The following L3MBTL4 variants were observed in gnomAD, a reference collection of about 807,000 sequenced individuals.
L3MBTL4 encodes the protein L3MBTL histone methyl-lysine binding protein 4.
In L3MBTL4, 70 loss-of-function variants were observed where a neutral mutation model predicts 84.5. The ratio of observed to expected loss-of-function variants is 0.83; its 90% CI spans 0.68 to 1.01. The LOEUF is 1.01. L3MBTL4 is among the 50% of genes least tolerant of loss of function. L3MBTL4 has a pLI of 0.00. For missense variants in L3MBTL4, 715 were observed against 754.8 expected, an observed-to-expected ratio of 0.95 and a Z score of 0.62; for synonymous variants, 274 against 259.8, an observed-to-expected ratio of 1.05 and a Z score of -0.52.
At chr18:6,319,857 T>C (rs1468888788) in intron 1 of L3MBTL4, among the ~76,000 whole-genome samples, 2 of 151,542 alleles carry the variant, frequency 1.3e-5, no homozygotes, top group African/African-American at 4.8e-5. Flanking sequence ...AAACTGCAAA[T>C]CAATATCCCT....
At chr18:6,370,591 G>C (rs1171828584) in intron 1 of L3MBTL4, among the ~76,000 whole-genome samples, 2 of 152,216 alleles carry the variant, frequency 1.3e-5, no homozygotes, top group Non-Finnish European at 2.9e-5. Context: ...ACCCAGGGCA[G>C]TGGCAGAATC....
chr18:6,048,960 T>C (rs1037935808), intron 16 of L3MBTL4, among the ~76,000 whole-genome samples: 2 of 152,076 alleles, frequency 1.3e-5, no homozygotes, highest in Admixed American at 6.6e-5. Flanking sequence ...CATTTCACTA[T>C]ATGCAAAAAT....
intron 4 of L3MBTL4, among the ~76,000 whole-genome samples, chr18:6,277,163 G>A (rs1325879455): frequency 6.7e-6 from 1 of 148,286 alleles, no homozygotes; most frequent in African/African-American, 2.5e-5. Context: ...GGGAGGGATA[G>A]TATTGGGAGA....
intron 1 of L3MBTL4, among the ~76,000 whole-genome samples, chr18:6,390,499 T>G (rs2055000673): frequency 6.6e-6 from 1 of 151,690 alleles, no homozygotes; most frequent in Non-Finnish European, 1.5e-5. Flanking sequence ...GAAGTGAAAT[T>G]GAAAAACAAA....
intron 1 of L3MBTL4, among the ~76,000 whole-genome samples, chr18:6,409,932 G>A (rs779592605): frequency 2.2e-4 from 34 of 151,858 alleles, no homozygotes; most frequent in Non-Finnish European, 1.3e-4. Context: ...CTTCCAATTC[G>A]CCTACCCTCT....
intron 5 of L3MBTL4, 123 bp downstream of exon 5, chr18:6,263,824 T>C: frequency 1.3e-6 from 1 of 780,304 alleles, no homozygotes; most frequent in Non-Finnish European, 2.2e-6. Flanking sequence ...GTGGGGTCAT[T>C]TTCCAGCAGA....
intron 16 of L3MBTL4, among the ~76,000 whole-genome samples, chr18:6,036,142 C>A (rs694182): frequency 6.6e-6 from 1 of 151,956 alleles, no homozygotes; most frequent in Non-Finnish European, 1.5e-5. Context: ...TTTGAAAGTA[C>A]GATTAGTGTT....
At chr18:6,373,261 T>C (rs9960529) in intron 1 of L3MBTL4, among the ~76,000 whole-genome samples, 2,520 of 152,218 alleles carry the variant, frequency 0.017, 65 homozygotes, top group African/African-American at 0.058. Context: ...TCTTGCACAG[T>C]AAAGAAACAA....
chr18:6,398,675 G>A (rs1037838210), intron 1 of L3MBTL4, among the ~76,000 whole-genome samples: 4 of 137,194 alleles, frequency 2.9e-5, no homozygotes, highest in African/African-American at 1.1e-4. Context: ...TTTTGATTGT[G>A]CCTCACACTA....
intron 14 of L3MBTL4, among the ~76,000 whole-genome samples, chr18:6,119,187 G>T (rs2059451912): frequency 1.5e-5 from 2 of 133,610 alleles, no homozygotes; most frequent in African/African-American, 2.9e-5. Flanking sequence ...TTTGCCACCA[G>T]CTGCTGACTT....
intron 1 of L3MBTL4, chr18:6,367,400 G>A (rs10853336): frequency 0.13 from 19,097 of 152,108 alleles, 1,256 homozygotes; most frequent in East Asian, 0.14. Flanking sequence ...GTGGCCTCCC[G>A]CTGAGAACAG....
At position 6,381,552 on chromosome 18, in the gene L3MBTL4, G is replaced by C. The variant is rs146241819; in HGVS notation, c.-91+33249C>G. Among the ~76,000 whole-genome samples, 3 of 152,176 alleles carry C rather than the reference G, an allele frequency of 2.0e-5. No homozygotes were observed. The East Asian group carries it at 5.8e-4, about 29-fold the overall frequency. ...GTGGTGACAAAATCTCTCAGCATTT[G>C]CTTGTCTGTAAAGGATTTTATTTCT... is the stretch of plus-strand genomic sequence containing the variant. On this transcript the variant is annotated intron_variant, in intron 1 of 18. Transcript: ENST00000317931.
At chr18:6,162,106 C>T (rs2043369502) in intron 13 of L3MBTL4, among the ~76,000 whole-genome samples, 1 of 151,722 alleles carries the variant, frequency 6.6e-6, no homozygotes, top group South Asian at 2.1e-4. Flanking sequence ...GATTAAAAAA[C>T]TCTCTACCTC....
intron 12 of L3MBTL4, among the ~76,000 whole-genome samples, chr18:6,195,500 G>T (rs1193286078): frequency 1.3e-5 from 2 of 152,164 alleles, no homozygotes; most frequent in East Asian, 3.9e-4. Flanking sequence ...TTTCTGACAT[G>T]AATTCCATGT....
At chr18:6,042,738 T>A (rs2056456924) in intron 16 of L3MBTL4, among the ~76,000 whole-genome samples, 1 of 152,266 alleles carries the variant, frequency 6.6e-6, no homozygotes, top group Admixed American at 6.5e-5. Flanking sequence ...AGGTCTTAGG[T>A]CTAGGCCTTT....
At chr18:6,383,610 C>T (rs2054690572) in intron 1 of L3MBTL4, among the ~76,000 whole-genome samples, 1 of 152,168 alleles carries the variant, frequency 6.6e-6, no homozygotes, top group South Asian at 2.1e-4. Flanking sequence ...ACGCCCTGCC[C>T]TGTTTCGGCT....
At chr18:6,029,473 T>C (rs976394090) in intron 16 of L3MBTL4, 57 of 976,328 alleles carry the variant, frequency 5.8e-5, no homozygotes, top group African/African-American at 7.0e-5. Flanking sequence ...AGTGGCAGGA[T>C]TAAATGTAAT....
intron 1 of L3MBTL4, among the ~76,000 whole-genome samples, chr18:6,343,391 C>T (rs535606247): frequency 1.3e-5 from 2 of 152,204 alleles, no homozygotes; most frequent in East Asian, 1.9e-4. Flanking sequence ...CGGCTGGGTG[C>T]GGTGGCTCAT....
At position 5,960,916 on chromosome 18, in the gene L3MBTL4, C is replaced by A. The variant is rs374703540; in HGVS notation, c.1615-760G>T. 7 of 152,138 alleles carry A rather than the reference C, an allele frequency of 4.6e-5. No individual in the cohort carries two copies. In the East Asian group the frequency reaches 1.2e-3, roughly 25 times the overall value. The allele number at this position is 152,138 out of a possible 1,614,324, so 9.4% of individuals were successfully genotyped here. A position where few individuals can be genotyped will look rare whatever the true frequency, so the allele number is the denominator to read the frequency against. ...AGCCACTGAGTGTTCCTAATAGATA[C>A]CTTTGGGAAGCCGATTGAACAAACC... On this transcript the variant is annotated intron_variant, in intron 17 of 18. Transcript: ENST00000317931.
Sources: gnomAD v4.1 joint callset for allele counts (sites outside exome capture counted in the v4.1 genomes callset) on GRCh38, gnomAD v4.1.1 for gene constraint, MANE v1.5 for transcripts, NCBI Gene and HGNC (gene_info 2026-07-23, HGNC 2026-07-21) for gene names.